The following IQCE variants were observed in gnomAD, a reference collection of about 807,000 sequenced individuals.
IQCE encodes IQ motif containing E, also known as IQ domain-containing protein E.
Under a neutral mutation model 96.0 loss-of-function variants are expected in IQCE, and 115 were observed. That is an observed-to-expected ratio of 1.20 (90% CI 1.03 to 1.40). IQCE has a LOEUF of 1.40. Among genes scored for constraint, IQCE ranks in the 40% most tolerant of loss-of-function variants. IQCE has a pLI of 0.00. For missense variants in IQCE, 1,041 were observed against 909.1 expected, an observed-to-expected ratio of 1.15 and a Z score of -1.87; for synonymous variants, 412 against 371.2, an observed-to-expected ratio of 1.11 and a Z score of -1.26.
At chr7:2,587,783 C>A in intron 12 of IQCE, 39 bp from the exon 13 acceptor site, 2 of 1,607,906 alleles carry the variant, frequency 1.2e-6, no homozygotes, top group Non-Finnish European at 1.7e-6. Flanking sequence ...TGGCAGTGCC[C>A]ACCAGGATGC....
At chr7:2,601,839 C>T (rs1230199413) in intron 18 of IQCE, 3 of 221,972 alleles carry the variant, frequency 1.4e-5, no homozygotes, top group South Asian at 7.2e-5. Flanking sequence ...CGTGAGCCAC[C>T]GCGCCCGGCA....
intron 3 of IQCE, among the ~76,000 whole-genome samples, chr7:2,569,934 C>T (rs1002155816): frequency 1.3e-5 from 2 of 152,084 alleles, no homozygotes; most frequent in Non-Finnish European, 2.9e-5. Flanking sequence ...TTTTGATGTC[C>T]TTTCTCTCCT....
chr7:2,603,278 C>G (rs1197872984), intron 18 of IQCE, among the ~76,000 whole-genome samples: 2 of 152,204 alleles, frequency 1.3e-5, no homozygotes, highest in Non-Finnish European at 2.9e-5. Flanking sequence ...TGCCTGGCAT[C>G]TCACTTTGTG....
At chr7:2,576,505 G>T (rs1358740175) in intron 6 of IQCE, among the ~76,000 whole-genome samples, 1 of 151,508 alleles carries the variant, frequency 6.6e-6, no homozygotes, top group Non-Finnish European at 1.5e-5. Context: ...GCCCCTCCCA[G>T]GTTCAAGCCT....
At chr7:2,603,208 A>G in intron 18 of IQCE, among the ~76,000 whole-genome samples, 1 of 151,694 alleles carries the variant, frequency 6.6e-6, no homozygotes, top group South Asian at 2.1e-4. Context: ...CTGTCCACCC[A>G]CCACAGCCTG....
intron 18 of IQCE, among the ~76,000 whole-genome samples, chr7:2,603,828 C>CA (rs1453307406): frequency 5.9e-5 from 9 of 152,002 alleles, no homozygotes; most frequent in African/African-American, 2.2e-4. Flanking sequence ...CTGCTAAACT[C>CA]ACGTGGCATG....
At position 2,559,086 on chromosome 7, in the gene IQCE, G is replaced by A. The variant is rs915808499; in HGVS notation, c.-96G>A. ...GGGTCGCGGGCCGGCGCCAGGGAAGGCCCCGAGGCTGCGGGCGGCCAGGGC... is the reference window on the plus strand; with the variant it reads ...GGGTCGCGGGCCGGCGCCAGGGAAGACCCCGAGGCTGCGGGCGGCCAGGGC... On this transcript the variant is annotated 5_prime_UTR_variant, in exon 1 of 22. Transcript: ENST00000402050. 17 of 692,610 alleles carry A rather than the reference G, an allele frequency of 2.5e-5. No homozygotes were observed. In the African/African-American group the frequency reaches 2.9e-4, roughly 12 times the overall value. 42.9% of individuals were successfully genotyped at this position (692,610 alleles called of 1,614,324 possible).
intron 8 of IQCE, among the ~76,000 whole-genome samples, chr7:2,580,667 G>A (rs1782595116): frequency 6.6e-6 from 1 of 152,178 alleles, no homozygotes. Flanking sequence ...GTGGGAAATA[G>A]TGTGGATTCA....
intron 18 of IQCE, among the ~76,000 whole-genome samples, chr7:2,603,694 A>G (rs995438760): frequency 6.6e-6 from 1 of 152,180 alleles, no homozygotes; most frequent in African/African-American, 2.4e-5. Flanking sequence ...CCACATGGTC[A>G]CCACACTCTG....
chr7:2,600,065 A>T (rs1362259327), intron 17 of IQCE, among the ~76,000 whole-genome samples: 1 of 151,494 alleles, frequency 6.6e-6, no homozygotes, highest in Non-Finnish European at 1.5e-5. Flanking sequence ...AAGTGCTGGG[A>T]TTATAGGCGT....
intron 13 of IQCE, among the ~76,000 whole-genome samples, chr7:2,588,607 C>A (rs1287608817): frequency 6.8e-6 from 1 of 147,110 alleles, no homozygotes; most frequent in African/African-American, 2.5e-5. Context: ...CCCACCTTGG[C>A]CTCCTGAAGT....
chr7:2,586,229 G>T lies in IQCE; in HGVS notation c.846G>T (p.Thr282=), dbSNP rs751792535. 2 of 1,613,628 alleles carry T rather than the reference G, an allele frequency of 1.2e-6. No homozygotes were observed. The highest frequency in any genetic ancestry group is 1.7e-6 in the Non-Finnish European group (2 of 1,179,894). ...TGKKPLGEKK[T]GAKRQKKMGS... ...CCAGGCCCCTGGGGGAGAAGAAGAC[G>T]GGCGCCAAAAGGCAGAAGAAGATGG... Residue 282 remains threonine (T), a synonymous_variant, in exon 12 of 22, where the codon ACG becomes ACT. Transcript: ENST00000402050.
At chr7:2,604,547 G>A (rs751918584) in intron 18 of IQCE, among the ~76,000 whole-genome samples, 6 of 152,136 alleles carry the variant, frequency 3.9e-5, no homozygotes, top group Non-Finnish European at 8.8e-5. Context: ...CTGAAAAAAC[G>A]CTCCAACATG....
intron 16 of IQCE, chr7:2,596,976 A>G: frequency 2.1e-6 from 1 of 471,266 alleles, no homozygotes; most frequent in Non-Finnish European, 4.4e-6. Context: ...ATGTGCAGAC[A>G]CCCAAGTGAC....
chr7:2,565,210 A>G (rs1241252934), intron 1 of IQCE, among the ~76,000 whole-genome samples: 2 of 130,496 alleles, frequency 1.5e-5, no homozygotes, highest in Non-Finnish European at 3.3e-5. Context: ...CTGTTGTGTG[A>G]TTTTAGGTGC....
intron 2 of IQCE, among the ~76,000 whole-genome samples, chr7:2,568,724 T>C (rs909252887): frequency 1.3e-5 from 2 of 152,156 alleles, no homozygotes; most frequent in African/African-American, 4.8e-5. Flanking sequence ...TTTTCTGTAA[T>C]TGGAACTTGT....
chr7:2,580,727 TAAAA>T (rs765287492), intron 8 of IQCE, among the ~76,000 whole-genome samples: 1 of 151,038 alleles, frequency 6.6e-6, no homozygotes, highest in African/African-American at 2.4e-5. Context: ...AATGTTAGAA[TAAAA>T]AAAAAGAAAG....
intron 9 of IQCE, among the ~76,000 whole-genome samples, chr7:2,582,895 G>T (rs1319322141): frequency 1.3e-5 from 2 of 152,144 alleles, no homozygotes; most frequent in Non-Finnish European, 2.9e-5. Context: ...GTGGACCCCT[G>T]TATCTTTCCA....
At chr7:2,568,303 T>C (rs917270589) in intron 2 of IQCE, among the ~76,000 whole-genome samples, 5 of 152,208 alleles carry the variant, frequency 3.3e-5, no homozygotes, top group Admixed American at 6.5e-5. Context: ...ATAAATGAAT[T>C]TTGTGTTTAG....
Sources: gnomAD v4.1 joint callset for allele counts (sites outside exome capture counted in the v4.1 genomes callset) on GRCh38, gnomAD v4.1.1 for gene constraint, MANE v1.5 for transcripts, NCBI Gene and HGNC (gene_info 2026-07-23, HGNC 2026-07-21) for gene names.